NBAS: variants seen among roughly 807,000 people sequenced by gnomAD.
NBAS encodes NAG/BC035112 fusion.
Under a neutral mutation model 302.5 loss-of-function variants are expected in NBAS, and 219 were observed. The observed-to-expected ratio is 0.72, with a 90% CI of 0.65 to 0.81. NBAS has a LOEUF of 0.81. Among genes scored for constraint, NBAS ranks in the 30% least tolerant of loss-of-function variants. The probability of loss-of-function intolerance (pLI) is 0.00; values close to 1 mark genes in which losing one functional copy is unlikely to be tolerated. For synonymous variants in NBAS, 1,118 were observed against 1,021.6 expected, an observed-to-expected ratio of 1.09 and a Z score of -1.80; for missense variants, 2,932 against 2,841.6, an observed-to-expected ratio of 1.03 and a Z score of -0.72.
At chr2:14,792,162 G>A in the NBAS span, among the ~76,000 whole-genome samples, 2 of 152,050 alleles carry the variant, frequency 1.3e-5, no homozygotes, top group Non-Finnish European at 2.9e-5. Flanking sequence ...CACTGCACAG[G>A]TTCTGAAACT....
At chr2:14,997,243 A>G in the NBAS span, among the ~76,000 whole-genome samples, 5 of 152,172 alleles carry the variant, frequency 3.3e-5, no homozygotes, top group Admixed American at 3.3e-4. Flanking sequence ...GTGATGAAAT[A>G]ATCTGTACAA....
intron 28 of NBAS, among the ~76,000 whole-genome samples, chr2:15,389,233 A>G (rs907619155): frequency 2.6e-5 from 4 of 152,232 alleles, no homozygotes; most frequent in Non-Finnish European, 5.9e-5. Flanking sequence ...CCTAGTCCAC[A>G]GTGGAAAACC....
intron 40 of NBAS, among the ~76,000 whole-genome samples, chr2:15,296,207 C>T (rs374235430): frequency 6.6e-6 from 1 of 152,124 alleles, no homozygotes; most frequent in Non-Finnish European, 1.5e-5. Context: ...CAGGTGATCA[C>T]CTTTCTAAGA....
chr2:15,060,737 C>T, the NBAS span, among the ~76,000 whole-genome samples: 1 of 152,170 alleles, frequency 6.6e-6, no homozygotes, highest in African/African-American at 2.4e-5. Context: ...CTCTCTGAGC[C>T]TCAATGTTTT....
At chr2:14,948,661 A>G in the NBAS span, among the ~76,000 whole-genome samples, 1 of 152,130 alleles carries the variant, frequency 6.6e-6, no homozygotes, top group Non-Finnish European at 1.5e-5. Context: ...GGATGACAAT[A>G]CTACCTAAAA....
At chr2:14,979,960 C>T in the NBAS span, among the ~76,000 whole-genome samples, 6 of 152,200 alleles carry the variant, frequency 3.9e-5, no homozygotes, top group East Asian at 1.2e-3. Context: ...TCTTAAAATC[C>T]TGCTAAATGT....
chr2:14,920,962 G>A, the NBAS span, among the ~76,000 whole-genome samples: 2 of 151,350 alleles, frequency 1.3e-5, no homozygotes, highest in African/African-American at 2.4e-5. Flanking sequence ...TTTCCCTCAG[G>A]AACTTTTCCT....
chr2:15,220,955 T>C (rs193215551), intron 47 of NBAS, among the ~76,000 whole-genome samples: 4 of 152,342 alleles, frequency 2.6e-5, no homozygotes, highest in Admixed American at 2.0e-4. Context: ...TGCTATCTTA[T>C]GGCAATTTAA....
chr2:15,314,499 C>T (rs889300075), intron 38 of NBAS, among the ~76,000 whole-genome samples: 5 of 152,196 alleles, frequency 3.3e-5, no homozygotes, highest in African/African-American at 1.2e-4. Flanking sequence ...TTTACAGCTT[C>T]AATCCTGAGG....
intron 40 of NBAS, among the ~76,000 whole-genome samples, chr2:15,293,397 A>G (rs1339305650): frequency 2.0e-5 from 3 of 152,200 alleles, no homozygotes; most frequent in Admixed American, 6.5e-5. Flanking sequence ...TACGATTCTT[A>G]GCAGCTTCTC....
chr2:15,167,031 AGGGCCACAGGTGGCC>A lies in NBAS; in HGVS notation c.*2_*16del. Reference sequence around the variant, plus strand: ...CCAGATGCTTTTTCTGCTAAGGAGCAGGGCCACAGGTGGCCCTCACACCCAGTGCTGTGCTGCGCG... The same window carrying A: ...CCAGATGCTTTTTCTGCTAAGGAGCACTCACACCCAGTGCTGTGCTGCGCG... On this transcript the variant is annotated 3_prime_UTR_variant, in exon 52 of 52. Transcript: ENST00000281513. The A allele has an allele frequency of 6.6e-7, 1 of 1,521,988 alleles. No individual in the cohort carries two copies. The highest frequency in any genetic ancestry group is 1.3e-5 in the South Asian group (1 of 75,462). 94.3% of individuals were successfully genotyped at this position (1,521,988 alleles called of 1,614,324 possible). A position where few individuals can be genotyped will look rare whatever the true frequency, so the allele number is the denominator to read the frequency against.
At chr2:15,487,050 G>C (rs974612781) in intron 12 of NBAS, among the ~76,000 whole-genome samples, 6 of 152,088 alleles carry the variant, frequency 3.9e-5, no homozygotes, top group African/African-American at 1.4e-4. Flanking sequence ...GAGTGCTTCA[G>C]AAATTGATAA....
rs751677376 is a variant in NBAS at position 15,401,667 on chromosome 2, G to A, written c.3071+501C>T. ...CAAAGAAAACATACAAATTTGACTT[G>A]CATACAACTAAATAATCCAAAAGCA... On this transcript the variant is annotated intron_variant, in intron 26 of 51. Transcript: ENST00000281513. Among the ~76,000 whole-genome samples the A allele has an allele frequency of 3.3e-5, 5 of 152,044 alleles. No homozygotes were observed. In the East Asian group the frequency reaches 7.7e-4, roughly 23 times the overall value.
chr2:15,057,334 C>A, the NBAS span, among the ~76,000 whole-genome samples: 4 of 140,054 alleles, frequency 2.9e-5, no homozygotes, highest in African/African-American at 1.1e-4. Context: ...AAAACTGTTG[C>A]AGGATAGCTG....
chr2:14,790,525 T>C, the NBAS span, among the ~76,000 whole-genome samples: 2 of 152,162 alleles, frequency 1.3e-5, no homozygotes, highest in Non-Finnish European at 2.9e-5. Context: ...TCAATTTTCT[T>C]CCTTTCCTCT....
At chr2:15,178,057 A>G (rs920326899) in intron 51 of NBAS, 8 of 434,168 alleles carry the variant, frequency 1.8e-5, no homozygotes, top group Middle Eastern at 3.4e-4. Flanking sequence ...AGAAAACTTT[A>G]TATCAGTGAT....
the NBAS span, among the ~76,000 whole-genome samples, chr2:14,901,227 G>A: frequency 6.6e-6 from 1 of 152,160 alleles, no homozygotes; most frequent in African/African-American, 2.4e-5. Flanking sequence ...TAGTTAGTAG[G>A]TGCTCAATAA....
intron 21 of NBAS, among the ~76,000 whole-genome samples, chr2:15,433,627 T>C (rs1677867563): frequency 6.6e-6 from 1 of 152,148 alleles, no homozygotes; most frequent in Non-Finnish European, 1.5e-5. Context: ...ATTTATGAAG[T>C]AGAAAAAAGC....
the NBAS span, among the ~76,000 whole-genome samples, chr2:15,114,434 T>C: frequency 6.6e-6 from 1 of 152,136 alleles, no homozygotes; most frequent in Admixed American, 6.6e-5. Flanking sequence ...TCTAATAAGC[T>C]CATTTTAACT....
Sources: gnomAD v4.1 joint callset for allele counts (sites outside exome capture counted in the v4.1 genomes callset) on GRCh38, gnomAD v4.1.1 for gene constraint, MANE v1.5 for transcripts, NCBI Gene and HGNC (gene_info 2026-07-23, HGNC 2026-07-21) for gene names.